The following SBF2 variants were observed in gnomAD, a reference collection of about 807,000 sequenced individuals.
SBF2 encodes myotubularin-related protein 13.
A neutral mutation model predicts 225.2 loss-of-function variants in SBF2; 112 were observed. The ratio of observed to expected loss-of-function variants is 0.50; its 90% confidence interval spans 0.43 to 0.58. SBF2 has a LOEUF of 0.58. Ranked by LOEUF, SBF2 falls within the 20% of genes least tolerant of loss-of-function variation. The pLI, the probability that SBF2 is intolerant of heterozygous loss-of-function variation, is 0.00. For missense variants in SBF2, 1,996 were observed against 2,206.2 expected, an observed-to-expected ratio of 0.90 and a Z score of 1.91; for synonymous variants, 763 against 773.3, an observed-to-expected ratio of 0.99 and a Z score of 0.22.
intron 2 of SBF2, among the ~76,000 whole-genome samples, chr11:10,056,708 C>T (rs1950267976): frequency 6.6e-6 from 1 of 152,194 alleles, no homozygotes; most frequent in East Asian, 1.9e-4. Flanking sequence ...TGAGCAGGAC[C>T]TCCCAACCAG....
intron 16 of SBF2, among the ~76,000 whole-genome samples, chr11:9,904,747 G>T (rs1247343805): frequency 6.6e-6 from 1 of 152,206 alleles, no homozygotes; most frequent in East Asian, 1.9e-4. Context: ...TATCAGGGCT[G>T]GGTATGGTGG....
At chr11:10,192,774 T>G (rs1434963350) in intron 2 of SBF2, among the ~76,000 whole-genome samples, 1 of 152,194 alleles carries the variant, frequency 6.6e-6, no homozygotes, top group Non-Finnish European at 1.5e-5. Context: ...TTAAGTATCA[T>G]GTTATACCAA....
At chr11:10,238,111 A>G (rs536371790) in intron 1 of SBF2, among the ~76,000 whole-genome samples, 1 of 152,344 alleles carries the variant, frequency 6.6e-6, no homozygotes, top group South Asian at 2.1e-4. Flanking sequence ...AAAGGATTCA[A>G]AAATATAACA....
chr11:9,865,762 T>C (rs996738139), intron 17 of SBF2, among the ~76,000 whole-genome samples: 20 of 148,252 alleles, frequency 1.3e-4, no homozygotes, highest in African/African-American at 4.8e-4. Flanking sequence ...AGAAGTAATT[T>C]GCTCAAGGGA....
rs1287850198 is a variant in SBF2, at chr11:10,178,257, C to T, written c.141+15645G>A. The stretch of plus-strand genomic sequence containing the variant: ...TAAAAACCCTAGAAGAAAACCTAGG[C>T]AATACCATTCAGGACATAAGCATGG... On this transcript the variant is annotated intron_variant, in intron 2 of 39. Transcript: ENST00000256190. Among the ~76,000 whole-genome samples the T allele has an allele frequency of 4.0e-5, 6 of 150,864 alleles. No individual in the cohort carries two copies. In the East Asian group the frequency reaches 1.2e-3, roughly 30 times the overall value.
chr11:9,973,267 C>G lies in SBF2; in HGVS notation c.1396-4722G>C, dbSNP rs372277072. Among the ~76,000 whole-genome samples the G allele has an allele frequency of 8.5e-5, 13 of 152,312 alleles. No homozygotes were observed. In the South Asian group the frequency reaches 2.5e-3, roughly 29 times the overall value. On this transcript the variant is annotated intron_variant, in intron 13 of 39. Transcript: ENST00000256190. ...GATGTGTTTGGACTGGTCCCTTGAACGTCACCAAGCTCATTAAAAGCTACA... is the reference window on the plus strand; with the variant it reads ...GATGTGTTTGGACTGGTCCCTTGAAGGTCACCAAGCTCATTAAAAGCTACA...
chr11:9,953,270 T>A (rs976991190), intron 16 of SBF2, among the ~76,000 whole-genome samples: 5 of 151,800 alleles, frequency 3.3e-5, no homozygotes, highest in Non-Finnish European at 7.4e-5. Flanking sequence ...ATGGTGAAAC[T>A]CCATCTCTAC....
At chr11:10,216,352 G>C (rs967020444) in intron 1 of SBF2, among the ~76,000 whole-genome samples, 2 of 152,170 alleles carry the variant, frequency 1.3e-5, no homozygotes, top group Admixed American at 6.5e-5. Flanking sequence ...CTCACCAACT[G>C]ATGTTACCTA....
intron 2 of SBF2, among the ~76,000 whole-genome samples, chr11:10,182,622 C>T (rs1355303372): frequency 6.6e-6 from 1 of 152,002 alleles, no homozygotes; most frequent in African/African-American, 2.4e-5. Flanking sequence ...GGTGCAATCT[C>T]GGCTCACTGC....
At chr11:10,094,310 C>T (rs10840365) in intron 2 of SBF2, among the ~76,000 whole-genome samples, 68,739 of 151,744 alleles carry the variant, frequency 0.45, 16,108 homozygotes, top group Admixed American at 0.56. Flanking sequence ...GCAACAAGAA[C>T]GAAACTCCAT....
At chr11:10,145,255 C>G (rs1954833258) in intron 2 of SBF2, among the ~76,000 whole-genome samples, 1 of 152,140 alleles carries the variant, frequency 6.6e-6, no homozygotes, top group Admixed American at 6.5e-5. Context: ...AGAGTACCAA[C>G]CCTTGGCCTT....
intron 2 of SBF2, among the ~76,000 whole-genome samples, chr11:10,182,053 G>C (rs1481985604): frequency 6.6e-6 from 1 of 152,062 alleles, no homozygotes; most frequent in Non-Finnish European, 1.5e-5. Flanking sequence ...CTAGCTTAAA[G>C]GTACTTTAAA....
chr11:10,149,269 C>T (rs1955048769), intron 2 of SBF2: 1 of 152,144 alleles, frequency 6.6e-6, no homozygotes, highest in Non-Finnish European at 1.5e-5. Flanking sequence ...AATGTGTAGC[C>T]ACTCGGCTAC....
intron 1 of SBF2, among the ~76,000 whole-genome samples, chr11:10,227,875 G>C (rs879578860): frequency 6.6e-6 from 1 of 151,508 alleles, no homozygotes; most frequent in African/African-American, 2.4e-5. Context: ...TTGGTAGCTT[G>C]ATGGGGATGG....
chr11:10,197,580 G>A (rs1957424622), intron 1 of SBF2, among the ~76,000 whole-genome samples: 1 of 152,158 alleles, frequency 6.6e-6, no homozygotes, highest in South Asian at 2.1e-4. Flanking sequence ...TCAGGGTGGT[G>A]GCTGCGGCAA....
intron 2 of SBF2, among the ~76,000 whole-genome samples, chr11:10,097,640 T>C (rs968353410): frequency 6.6e-6 from 1 of 152,102 alleles, no homozygotes; most frequent in African/African-American, 2.4e-5. Context: ...CACCCACAGA[T>C]GACAGTAGCT....
chr11:9,857,975 C>A (rs1160566777), intron 18 of SBF2, among the ~76,000 whole-genome samples: 1 of 152,166 alleles, frequency 6.6e-6, no homozygotes, highest in African/African-American at 2.4e-5. Flanking sequence ...TTCCTATAGT[C>A]ATTTCCAGGA....
intron 2 of SBF2, among the ~76,000 whole-genome samples, chr11:10,143,724 G>GTT (rs200454034): frequency 0.078 from 11,183 of 143,252 alleles, 595 homozygotes; most frequent in East Asian, 0.29. Context: ...TTTTGCTTTT[G>GTT]TTTTTTTTTT....
intron 17 of SBF2, among the ~76,000 whole-genome samples, chr11:9,872,084 G>A (rs907122803): frequency 2.8e-4 from 43 of 152,122 alleles, no homozygotes; most frequent in African/African-American, 1.0e-3. Flanking sequence ...ACTCATCAAC[G>A]ATAGACTGAA....
Sources: allele counts gnomAD v4.1 joint callset (sites outside exome capture counted in the v4.1 genomes callset), GRCh38; gene constraint gnomAD v4.1.1; transcripts MANE v1.5; gene names NCBI Gene and HGNC (gene_info 2026-07-23, HGNC 2026-07-21).